Variants in SDK1 observed in about 807,000 individuals in gnomAD.
The protein encoded by SDK1 is protein sidekick-1.
Under a neutral mutation model 245.5 loss-of-function variants are expected in SDK1, and 157 were observed. That is an observed-to-expected ratio of 0.64 (90% CI 0.56 to 0.73). The LOEUF (loss-of-function observed/expected upper bound fraction) is 0.73. Among genes scored for constraint, SDK1 ranks in the 30% least tolerant of loss-of-function variants. The probability of loss-of-function intolerance (pLI) is 0.00; values close to 1 mark genes in which losing one functional copy is unlikely to be tolerated. For missense variants in SDK1, 3,583 were observed against 3,002.3 expected, an observed-to-expected ratio of 1.19 and a Z score of -4.52; for synonymous variants, 1,647 against 1,278.5, an observed-to-expected ratio of 1.29 and a Z score of -6.15.
chr7:4,142,941 C>T (rs1443253252), intron 28 of SDK1, among the ~76,000 whole-genome samples: 3 of 152,336 alleles, frequency 2.0e-5, no homozygotes, highest in Non-Finnish European at 2.9e-5. Context: ...AGAACACAGC[C>T]GCCCAGAGAC....
chr7:3,452,771 C>T (rs772821325), intron 1 of SDK1, among the ~76,000 whole-genome samples: 4 of 152,130 alleles, frequency 2.6e-5, no homozygotes, highest in East Asian at 1.9e-4. Flanking sequence ...TAGAAATCCC[C>T]GCTGTTGACT....
intron 1 of SDK1, among the ~76,000 whole-genome samples, chr7:3,395,285 T>G (rs1048544779): frequency 6.6e-6 from 1 of 152,006 alleles, no homozygotes; most frequent in African/African-American, 2.4e-5. Context: ...AATTGATTTT[T>G]AGCTGTTAAA....
chr7:4,119,140 C>T (rs930010336), intron 25 of SDK1, among the ~76,000 whole-genome samples: 1 of 148,426 alleles, frequency 6.7e-6, no homozygotes, highest in African/African-American at 2.5e-5. Flanking sequence ...TAATTTTATA[C>T]AGATAAAATG....
chr7:3,307,319 A>G (rs1046833568), intron 1 of SDK1, among the ~76,000 whole-genome samples: 1 of 152,064 alleles, frequency 6.6e-6, no homozygotes, highest in Non-Finnish European at 1.5e-5. Flanking sequence ...CAAATATGGC[A>G]CCTCCTGCCA....
chr7:3,913,064 A>C, intron 5 of SDK1, among the ~76,000 whole-genome samples: 1 of 152,116 alleles, frequency 6.6e-6, no homozygotes, highest in Non-Finnish European at 1.5e-5. Flanking sequence ...GGGTTTAATG[A>C]CAGGGAAAAC....
intron 5 of SDK1, among the ~76,000 whole-genome samples, chr7:3,849,191 C>T (rs1780357346): frequency 6.6e-6 from 1 of 152,194 alleles, no homozygotes; most frequent in African/African-American, 2.4e-5. Context: ...GAACAAATCC[C>T]CTGGCCTGGA....
chr7:4,240,937 A>G (rs1030549038), intron 42 of SDK1, among the ~76,000 whole-genome samples: 2 of 152,162 alleles, frequency 1.3e-5, no homozygotes, highest in Non-Finnish European at 2.9e-5. Flanking sequence ...GGGGGTTTGC[A>G]GGGTGGACAG....
chr7:3,598,367 G>C (rs545184284), intron 1 of SDK1, among the ~76,000 whole-genome samples: 1 of 152,284 alleles, frequency 6.6e-6, no homozygotes, highest in South Asian at 2.1e-4. Context: ...CAACTCAACA[G>C]TGTGTTTGTT....
chr7:3,754,256 G>A (rs1779855474), intron 4 of SDK1, among the ~76,000 whole-genome samples: 2 of 152,084 alleles, frequency 1.3e-5, no homozygotes, highest in South Asian at 4.1e-4. Context: ...TGAATATTGT[G>A]TTTTTAAGAA....
intron 17 of SDK1, among the ~76,000 whole-genome samples, chr7:4,035,060 C>G (rs1788115167): frequency 6.6e-6 from 1 of 152,224 alleles, no homozygotes; most frequent in Non-Finnish European, 1.5e-5. Context: ...CTCACCGCAA[C>G]TTCCACCTCC....
chr7:4,241,713 C>T (rs892211264), intron 42 of SDK1, 80 bp from the exon 43 acceptor site: 33 of 1,570,058 alleles, frequency 2.1e-5, no homozygotes, highest in Admixed American at 6.9e-5. Context: ...GGAGCTGCCC[C>T]GCTGGCCAGC....
intron 8 of SDK1, among the ~76,000 whole-genome samples, chr7:3,959,597 T>C (rs537310470): frequency 6.6e-6 from 1 of 152,276 alleles, no homozygotes; most frequent in South Asian, 2.1e-4. Context: ...GTCCCCATTG[T>C]CTGTCCTTCC....
chr7:3,943,575 C>A (rs1780457818), intron 5 of SDK1, among the ~76,000 whole-genome samples: 1 of 150,874 alleles, frequency 6.6e-6, no homozygotes, highest in Non-Finnish European at 1.5e-5. Context: ...GCGGAGGCTC[C>A]CTGACCAGCT....
intron 4 of SDK1, among the ~76,000 whole-genome samples, chr7:3,767,463 G>GT (rs1176618627): frequency 6.6e-6 from 1 of 152,110 alleles, no homozygotes; most frequent in Non-Finnish European, 1.5e-5. Flanking sequence ...TAAAAAAATT[G>GT]TTTTTTCTCT....
chr7:4,108,812 A>C lies in SDK1; in HGVS notation c.3325-1851A>C, dbSNP rs117225802. Among the ~76,000 whole-genome samples the C allele has an allele frequency of 6.4e-3, 967 of 152,252 alleles. 7 individuals carry two copies. The highest frequency in any genetic ancestry group is 0.018 in the African/African-American group (741 of 41,538). The stretch of plus-strand genomic sequence containing the variant: ...CATGCCACAAAGAGACCTCATACCC[A>C]ATAGCAGTCACTTCCCATCCCCTCC... On this transcript the variant is annotated intron_variant, in intron 22 of 44. Coordinates refer to ENST00000404826, the MANE Select transcript of SDK1 (RefSeq NM_152744.4).
At chr7:3,365,766 C>T (rs1002349434) in intron 1 of SDK1, among the ~76,000 whole-genome samples, 1 of 152,104 alleles carries the variant, frequency 6.6e-6, no homozygotes, top group African/African-American at 2.4e-5. Context: ...GGCGTGGTGG[C>T]TCATGCCTGT....
chr7:3,396,220 C>T (rs1217458023), intron 1 of SDK1, among the ~76,000 whole-genome samples: 2 of 151,584 alleles, frequency 1.3e-5, no homozygotes, highest in Non-Finnish European at 1.5e-5. Context: ...TTCTTTGACC[C>T]GTATTTAGAA....
chr7:3,657,544 GCT>G (rs1354510089), intron 4 of SDK1, among the ~76,000 whole-genome samples: 1 of 152,162 alleles, frequency 6.6e-6, no homozygotes, highest in Non-Finnish European at 1.5e-5. Flanking sequence ...AGCCAGCTGT[GCT>G]CTCTCGTCAC....
chr7:3,667,817 A>G (rs1783581334), intron 4 of SDK1, among the ~76,000 whole-genome samples: 1 of 152,228 alleles, frequency 6.6e-6, no homozygotes, highest in Non-Finnish European at 1.5e-5. Flanking sequence ...TATTGTGTGC[A>G]TGTACCACAG....
Sources: gnomAD v4.1 joint callset for allele counts (sites outside exome capture counted in the v4.1 genomes callset) on GRCh38, gnomAD v4.1.1 for gene constraint, MANE v1.5 for transcripts, NCBI Gene and HGNC (gene_info 2026-07-23, HGNC 2026-07-21) for gene names.